Variants in RABGEF1 observed in about 807,000 individuals in gnomAD.
RABGEF1 encodes rab5 GDP/GTP exchange factor.
RABGEF1 carries 26 observed loss-of-function variants against 57.3 expected under a neutral mutation model. The ratio of observed to expected loss-of-function variants is 0.45; its 90% CI spans 0.33 to 0.63. The LOEUF (loss-of-function observed/expected upper bound fraction) is 0.63, where lower values mean the gene tolerates loss of function less well. Ranked by LOEUF, RABGEF1 falls within the 20% of genes least tolerant of loss-of-function variation. The pLI is 0.02. For missense variants in RABGEF1, 464 were observed against 607.6 expected (o/e 0.76, Z 2.48); for synonymous variants, 185 against 210.7 (o/e 0.88, Z 1.06).
intron 1 of RABGEF1, among the ~76,000 whole-genome samples, chr7:66,766,304 C>CAA (rs80149477): frequency 1.6e-4 from 16 of 98,558 alleles, no homozygotes; most frequent in Admixed American, 5.1e-4. Context: ...CCCTGTCTTC[C>CAA]AAAAAAAAAA....
chr7:66,723,606 G>A (rs1015526555), intron 2 of RABGEF1, among the ~76,000 whole-genome samples: 3 of 151,636 alleles, frequency 2.0e-5, no homozygotes, highest in East Asian at 1.9e-4. Flanking sequence ...TTGAGACGGA[G>A]TCTCACTCTT....
chr7:66,741,212 GA>G (rs1798864610), intron 1 of RABGEF1, among the ~76,000 whole-genome samples: 1 of 152,188 alleles, frequency 6.6e-6, no homozygotes, highest in South Asian at 2.1e-4. Flanking sequence ...AACCTCCCCG[GA>G]AAGCGCTGGT....
chr7:66,771,517 A>G lies in RABGEF1; in HGVS notation c.-17-366A>G, dbSNP rs184555209. Among the ~76,000 whole-genome samples the G allele has an allele frequency of 6.0e-4, 91 of 152,284 alleles. 1 individual carries two copies. The South Asian group carries it at 0.012, about 20-fold the overall frequency. On this transcript the variant is annotated intron_variant, in intron 1 of 8. Transcript: ENST00000284957. ...GCCTGTGCTTTTGGTGTCATATCCT[A>G]GAAGTCATTGCAAAATCCAGTGTCG...
At chr7:66,726,590 C>A (rs1796605898) in intron 2 of RABGEF1, among the ~76,000 whole-genome samples, 1 of 152,044 alleles carries the variant, frequency 6.6e-6, no homozygotes. Context: ...TCTGAAACTC[C>A]TGTTGGGCTC....
intron 1 of RABGEF1, among the ~76,000 whole-genome samples, chr7:66,685,929 AC>A (rs1450374669): frequency 6.6e-6 from 1 of 152,122 alleles, no homozygotes; most frequent in African/African-American, 2.4e-5. Context: ...TAAACCTAAC[AC>A]CTGTGACTCA....
At chr7:66,792,380 C>CA (rs1310272783) in intron 4 of RABGEF1, among the ~76,000 whole-genome samples, 1 of 152,170 alleles carries the variant, frequency 6.6e-6, no homozygotes, top group Non-Finnish European at 1.5e-5. Flanking sequence ...TGGCCAAAGA[C>CA]ACGAGTCTCC....
chr7:66,734,211 C>G (rs1211947443), intron 2 of RABGEF1, among the ~76,000 whole-genome samples: 5 of 152,150 alleles, frequency 3.3e-5, no homozygotes, highest in Non-Finnish European at 4.4e-5. Context: ...CCGGGGGCAG[C>G]TGATGGGACC....
chr7:66,682,676 C>T (rs1360518039), intron 1 of RABGEF1, among the ~76,000 whole-genome samples: 4 of 148,490 alleles, frequency 2.7e-5, no homozygotes, highest in South Asian at 2.1e-4. Context: ...CGGGATGGGA[C>T]GCTCGGACCC....
chr7:66,758,705 G>GT (rs78119906), intron 1 of RABGEF1, among the ~76,000 whole-genome samples: 5,567 of 152,178 alleles, frequency 0.037, 156 homozygotes, highest in East Asian at 0.084. Context: ...GCCTTCTACC[G>GT]TAACAGCTGT....
intron 2 of RABGEF1, among the ~76,000 whole-genome samples, chr7:66,721,413 G>A (rs1246990372): frequency 1.3e-5 from 2 of 152,074 alleles, no homozygotes; most frequent in South Asian, 2.1e-4. Context: ...TCACAGATTC[G>A]CCTTCTGGAG....
At chr7:66,767,375 A>G (rs1266673694) in intron 1 of RABGEF1, among the ~76,000 whole-genome samples, 2 of 152,070 alleles carry the variant, frequency 1.3e-5, no homozygotes, top group African/African-American at 4.8e-5. Flanking sequence ...GAATTTTTAA[A>G]TTTTATTAGA....
chr7:66,799,214 G>T (rs1485535822), intron 6 of RABGEF1, 109 bp from the exon 7 acceptor site: 33 of 759,144 alleles, frequency 4.3e-5, no homozygotes, highest in Admixed American at 4.1e-4. Flanking sequence ...GTGGGCCTGG[G>T]ATTGAGTGGT....
At chr7:66,670,894 T>TACACAC in the RABGEF1 span, among the ~76,000 whole-genome samples, 6,043 of 145,640 alleles carry the variant, frequency 0.041, 152 homozygotes, top group East Asian at 0.081. Context: ...CACATACGTA[T>TACACAC]ACACACACAC....
the RABGEF1 span, among the ~76,000 whole-genome samples, chr7:66,660,315 T>A: frequency 2.8e-5 from 4 of 142,086 alleles, no homozygotes; most frequent in Non-Finnish European, 4.5e-5. Context: ...GCCACTACAC[T>A]CCAGCCTGGG....
At chr7:66,690,646 C>T (rs952739875) in intron 1 of RABGEF1, among the ~76,000 whole-genome samples, 5 of 151,422 alleles carry the variant, frequency 3.3e-5, no homozygotes, top group Non-Finnish European at 7.4e-5. Context: ...GTTGAGGCTG[C>T]AGTGGGCCAT....
chr7:66,677,362 A>G (rs1160924331), upstream of RABGEF1, among the ~76,000 whole-genome samples: 4 of 152,192 alleles, frequency 2.6e-5, no homozygotes, highest in African/African-American at 4.8e-5. Flanking sequence ...ACTTGAGGCC[A>G]TAAGTTTGAG....
chr7:66,775,374 C>T lies in RABGEF1; in HGVS notation c.327C>T (p.Ser109=). Residue 109 remains serine, a synonymous_variant, in exon 3 of 9, where the codon TCC becomes TCT. Transcript: ENST00000284957. ...TTVKKFFSAS[S]RVGSKKEIQE... is the part of the protein sequence containing the mutation. The stretch of plus-strand genomic sequence containing the variant: ...TGAAGAAATTCTTCAGTGCATCTTC[C>T]AGGGTCGGATCAAAGAAGGGTAATG... 1 of 1,613,854 alleles carries T rather than the reference C, an allele frequency of 6.2e-7. No individual in the cohort carries two copies. Among genetic ancestry groups the T allele is most frequent in the Non-Finnish European group, 8.5e-7 (1 of 1,179,794 alleles).
At chr7:66,783,099 G>A (rs975944058) in intron 3 of RABGEF1, among the ~76,000 whole-genome samples, 3 of 152,192 alleles carry the variant, frequency 2.0e-5, no homozygotes, top group Non-Finnish European at 4.4e-5. Flanking sequence ...TGTATGCTTT[G>A]TTGTGTTTAT....
chr7:66,705,386 G>A (rs1223695942), intron 1 of RABGEF1, among the ~76,000 whole-genome samples: 2 of 148,810 alleles, frequency 1.3e-5, no homozygotes, highest in Non-Finnish European at 3.0e-5. Flanking sequence ...GCAGTGAGCT[G>A]AGATTGCACC....
Sources: gnomAD v4.1 joint callset for allele counts (sites outside exome capture counted in the v4.1 genomes callset) on GRCh38, gnomAD v4.1.1 for gene constraint, MANE v1.5 for transcripts, NCBI Gene and HGNC (gene_info 2026-07-23, HGNC 2026-07-21) for gene names.